The following CFAP46 variants were observed in gnomAD, a reference collection of about 807,000 sequenced individuals.
CFAP46 encodes the protein cilia and flagella associated protein 46, also known as cilia- and flagella-associated protein 46.
In CFAP46, 245 loss-of-function variants were observed where a neutral mutation model predicts 325.7. That is an observed-to-expected ratio of 0.75 (90% CI 0.68 to 0.84). The LOEUF (loss-of-function observed/expected upper bound fraction) is 0.84. Ranked by LOEUF, CFAP46 falls within the 40% of genes least tolerant of loss-of-function variation. CFAP46 has a pLI of 0.00. For synonymous variants in CFAP46, 1,523 were observed against 1,495.9 expected (o/e 1.02, Z -0.42); for missense variants, 3,346 against 3,543.0 (o/e 0.94, Z 1.41).
At chr10:132,863,457 C>A (rs1334012500) in intron 35 of CFAP46, among the ~76,000 whole-genome samples, 1 of 152,144 alleles carries the variant, frequency 6.6e-6, no homozygotes, top group Non-Finnish European at 1.5e-5. Flanking sequence ...CTTGGACAAG[C>A]TCCCTTTTGA....
At chr10:132,829,764 A>G (rs1007421828) in intron 50 of CFAP46, among the ~76,000 whole-genome samples, 2 of 152,248 alleles carry the variant, frequency 1.3e-5, no homozygotes, top group East Asian at 1.9e-4. Flanking sequence ...GCTTTTCTGC[A>G]TCTATTGCAA....
intron 15 of CFAP46, 81 bp from the exon 16 acceptor site, chr10:132,918,601 G>C: frequency 3.4e-6 from 5 of 1,453,334 alleles, no homozygotes; most frequent in Non-Finnish European, 4.6e-6. Context: ...AACCATCTTG[G>C]AGTGCCTGAG....
At chr10:132,830,999 A>G (rs1368310139) in intron 50 of CFAP46, among the ~76,000 whole-genome samples, 2 of 152,132 alleles carry the variant, frequency 1.3e-5, no homozygotes, top group South Asian at 2.1e-4. Context: ...ACATCACAAT[A>G]TTTTCTAAAT....
intron 16 of CFAP46, among the ~76,000 whole-genome samples, chr10:132,917,574 C>T (rs542448223): frequency 4.6e-5 from 7 of 152,214 alleles, no homozygotes; most frequent in African/African-American, 9.7e-5. Flanking sequence ...ATCTCCCCAC[C>T]GAGTGGCGGT....
intron 14 of CFAP46, 50 bp downstream of exon 14, chr10:132,920,009 C>T (rs777067473): frequency 1.4e-5 from 20 of 1,449,866 alleles, no homozygotes; most frequent in South Asian, 8.6e-5. Context: ...TCGGGCTGAG[C>T]GACCCCCGGG....
rs1849116569 is a variant in CFAP46 at position 132,885,755 on chromosome 10, AC to A, written c.3443+65del. ...CTCACAGGCGGTGTGGGGAGCACTC[AC>A]AGGCGGTGGGGGGAGCACTCAGGCG... is the stretch of plus-strand genomic sequence containing the variant. On this transcript the variant is annotated intron_variant, in intron 26 of 57. Transcript: ENST00000368586. The A allele has an allele frequency of 2.8e-6, 4 of 1,437,456 alleles. No homozygotes were observed. In the East Asian group the frequency reaches 1.0e-4, roughly 37 times the overall value. 89.0% of individuals were successfully genotyped at this position (1,437,456 alleles called of 1,614,324 possible).
At position 132,922,165 on chromosome 10, in the gene CFAP46, T is replaced by C; in HGVS notation, c.1545A>G (p.Ala515=). ...ACGCGTCAGGGGCTAAGGCCAGGCC[T>C]GCATTCACCAGGAGGGCCCGCTTCT... ...VRKKRALLVN[A]GLALAPDAFQ... Residue 515 remains alanine, a synonymous_variant, in exon 13 of 58, where the codon GCA becomes GCG. Transcript: ENST00000368586. 4 of 1,550,452 alleles carry C rather than the reference T, an allele frequency of 2.6e-6. No homozygotes were observed. The highest frequency in any genetic ancestry group is 3.5e-6 in the Non-Finnish European group (4 of 1,146,940).
intron 22 of CFAP46, among the ~76,000 whole-genome samples, chr10:132,900,790 G>A (rs1849382578): frequency 6.6e-6 from 1 of 152,246 alleles, no homozygotes; most frequent in South Asian, 2.1e-4. Context: ...CAATGAGTGA[G>A]GTCTGTTCCT....
At chr10:132,846,291 G>A (rs1012409477) in intron 43 of CFAP46, 64 bp from the exon 44 acceptor site, 101 of 1,539,602 alleles carry the variant, frequency 6.6e-5, no homozygotes, top group Non-Finnish European at 6.3e-5. Flanking sequence ...CTTGCACCCT[G>A]CGGAGGGTGC....
chr10:132,920,042 G>A lies in CFAP46; in HGVS notation c.1730+17C>T. 1.3e-6 allele frequency: 2 copies of A among 1,529,344 alleles called. No homozygotes were observed. Among genetic ancestry groups the A allele is most frequent in the Middle Eastern group, 1.7e-4 (1 of 5,816 alleles). 94.7% of individuals were successfully genotyped at this position (1,529,344 alleles called of 1,614,324 possible). The stretch of plus-strand genomic sequence containing the variant: ...GGGCTGAGCTGTGCGTGGCGCTCTG[G>A]CCTTTTCCTCACTCACCTCTCCTTG... On this transcript the variant is annotated intron_variant, in intron 14 of 57. Transcript: ENST00000368586.
At chr10:132,864,333 C>G (rs1848773404) in intron 35 of CFAP46, among the ~76,000 whole-genome samples, 1 of 128,730 alleles carries the variant, frequency 7.8e-6, no homozygotes, top group Non-Finnish European at 1.6e-5. Context: ...GACCTGCACA[C>G]ACCTGTCCCC....
rs1244410862 is a variant in CFAP46 at position 132,833,360 on chromosome 10, G to A, written c.7115C>T (p.Thr2372Ile). ...AGGTGGCTGAGGGCAGTTCCTACCT[G>A]TCTCTTCTTTATGGAGGCGATTCCA... Reference protein sequence around the residue: ...MLWNRLHKEETEGGVKKEGRS... With the variant: ...MLWNRLHKEEIEGGVKKEGRS... Residue 2372 changes from threonine (T) to isoleucine (I), a missense_variant and splice_region_variant, in exon 50 of 58, where the codon ACA (threonine) becomes ATA (isoleucine). Transcript: ENST00000368586. 1.2e-6 allele frequency: 2 copies of A among 1,613,364 alleles called. No homozygotes were observed. Among genetic ancestry groups the A allele is most frequent in the African/African-American group, 2.7e-5 (2 of 74,910 alleles).
At chr10:132,821,125 GTGTGC>G (rs1847804804) in intron 50 of CFAP46, among the ~76,000 whole-genome samples, 1 of 137,724 alleles carries the variant, frequency 7.3e-6, no homozygotes, top group Non-Finnish European at 1.6e-5. Context: ...TGTGCTGTGT[GTGTGC>G]TGATGTGTGC....
chr10:132,916,413 T>C (rs1484409590), intron 17 of CFAP46, 136 bp downstream of exon 17: 12 of 956,662 alleles, frequency 1.3e-5, no homozygotes, highest in African/African-American at 1.0e-4. Context: ...TACGTGACGA[T>C]GGACACGTCC....
intron 8 of CFAP46, 24 bp downstream of exon 8, chr10:132,934,728 T>C (rs1271223739): frequency 7.2e-7 from 1 of 1,391,428 alleles, no homozygotes; most frequent in African/African-American, 1.4e-5. Context: ...GAAGATGTGA[T>C]ATTGGAAAAA....
chr10:132,849,576 A>G (rs897612306), intron 41 of CFAP46, among the ~76,000 whole-genome samples: 7 of 152,150 alleles, frequency 4.6e-5, no homozygotes, highest in African/African-American at 1.7e-4. Flanking sequence ...TGTAGGGGCC[A>G]TCACCAGGGT....
intron 23 of CFAP46, 83 bp downstream of exon 23, chr10:132,899,452 A>T: frequency 6.9e-7 from 1 of 1,444,514 alleles, no homozygotes; most frequent in Non-Finnish European, 9.1e-7. Flanking sequence ...GGCCCACAGG[A>T]TGGGCCACAG....
At chr10:132,849,958 C>CGGGCTGCGTGCTGGCGT (rs571496175) in intron 41 of CFAP46, among the ~76,000 whole-genome samples, 2 of 152,184 alleles carry the variant, frequency 1.3e-5, no homozygotes, top group Non-Finnish European at 2.9e-5. Flanking sequence ...TTGATTGGGG[C>CGGGCTGCGTGCTGGCGT]GGGCCGCGTG....
At position 132,847,951 on chromosome 10, in the gene CFAP46, C is replaced by T. The variant is rs1428820232; in HGVS notation, c.5953-630G>A. Among the ~76,000 whole-genome samples the T allele has an allele frequency of 6.6e-6, 1 of 152,172 alleles. No homozygotes were observed. The highest frequency in any genetic ancestry group is 2.4e-5 in the African/African-American group (1 of 41,448). The stretch of plus-strand genomic sequence containing the variant: ...TAGGCTGCCTGAATGCAGGCAAAAA[C>T]CAGCAAGCACGCTGGAGGCAGGGCA... On this transcript the variant is annotated intron_variant, in intron 41 of 57. Coordinates refer to ENST00000368586, the MANE Select transcript of CFAP46 (RefSeq NM_001200049.3). This position sits in a 1 kb window ranked among gnomAD's most constrained non-coding sequence, Gnocchi z 5.2.
Sources: gnomAD v4.1 joint callset for allele counts (sites outside exome capture counted in the v4.1 genomes callset) on GRCh38, gnomAD v4.1.1 for gene constraint, Gnocchi (gnomAD v3.1) non-coding constraint, MANE v1.5 for transcripts, NCBI Gene and HGNC (gene_info 2026-07-23, HGNC 2026-07-21) for gene names.